LPP: variants seen among roughly 807,000 people sequenced by gnomAD.
LPP encodes LIM domain containing preferred translocation partner in lipoma, also known as lipoma-preferred partner.
Under a neutral mutation model 60.4 loss-of-function variants are expected in LPP, and 38 were observed. The observed-to-expected ratio is 0.63, with a 90% confidence interval of 0.49 to 0.83. LPP has a LOEUF of 0.83. Ranked by LOEUF, LPP falls within the 40% of genes least tolerant of loss-of-function variation. The probability of loss-of-function intolerance (pLI) is 0.00; values close to 1 mark genes in which losing one functional copy is unlikely to be tolerated. For synonymous variants in LPP, 328 were observed against 290.8 expected, an observed-to-expected ratio of 1.13 and a Z score of -1.30; for missense variants, 902 against 783.6, an observed-to-expected ratio of 1.15 and a Z score of -1.80.
rs1166999872 is a variant in LPP at position 188,884,889 on chromosome 3, A to T, written c.*10410A>T. On this transcript the variant is annotated 3_prime_UTR_variant, in exon 12 of 12. Coordinates refer to ENST00000617246, the MANE Select transcript of LPP (RefSeq NM_001375462.1). ...CTAACAATGTCTGAAAACAAATGTT[A>T]TGGAACTGTTGGCATTTCTGAGATT... The T allele has an allele frequency of 4.5e-6, 1 of 224,406 alleles. No individual in the cohort carries two copies. The highest frequency in any genetic ancestry group is 8.9e-6 in the Non-Finnish European group (1 of 112,586). 13.9% of individuals were successfully genotyped at this position (224,406 alleles called of 1,614,324 possible). A position where few individuals can be genotyped will look rare whatever the true frequency, so the allele number is the denominator to read the frequency against.
intron 8 of LPP, among the ~76,000 whole-genome samples, chr3:188,733,290 C>CGTGTGT (rs10576864): frequency 0.025 from 3,711 of 147,108 alleles, 47 homozygotes; most frequent in Middle Eastern, 0.045. Context: ...TCACCAAAAA[C>CGTGTGT]GTGTGTGTGT....
intron 6 of LPP, among the ~76,000 whole-genome samples, chr3:188,538,841 T>C (rs1241474010): frequency 6.6e-6 from 1 of 151,956 alleles, no homozygotes. Context: ...TGAATATTAC[T>C]CAGCCATAAA....
At chr3:188,492,997 C>T (rs1808851533) in intron 5 of LPP, among the ~76,000 whole-genome samples, 1 of 151,452 alleles carries the variant, frequency 6.6e-6, no homozygotes, top group South Asian at 2.1e-4. Flanking sequence ...TACCTGTTTG[C>T]TGTGCTATTT....
chr3:188,391,777 C>T (rs568352954), intron 3 of LPP, among the ~76,000 whole-genome samples: 9 of 151,678 alleles, frequency 5.9e-5, no homozygotes, highest in Admixed American at 4.6e-4. Context: ...GACACTGAGA[C>T]ATGAGTCCAG....
chr3:188,842,391 G>C (rs1488216432), intron 9 of LPP, among the ~76,000 whole-genome samples: 1 of 152,092 alleles, frequency 6.6e-6, no homozygotes, highest in African/African-American at 2.4e-5. Context: ...TTCCTATAGA[G>C]TTGTTTGAAC....
chr3:188,214,422 C>T (rs1712671676), intron 1 of LPP, among the ~76,000 whole-genome samples: 1 of 152,150 alleles, frequency 6.6e-6, no homozygotes, highest in African/African-American at 2.4e-5. Context: ...TGAGCTGCTG[C>T]ACCTGGCCTC....
At chr3:188,494,868 A>G (rs1025830410) in intron 5 of LPP, among the ~76,000 whole-genome samples, 4 of 151,564 alleles carry the variant, frequency 2.6e-5, no homozygotes. Context: ...GGTTTCAAAG[A>G]CATAATGCAC....
At chr3:188,687,157 G>A (rs977213066) in intron 7 of LPP, among the ~76,000 whole-genome samples, 1 of 152,178 alleles carries the variant, frequency 6.6e-6, no homozygotes, top group Non-Finnish European at 1.5e-5. Flanking sequence ...TCCAGGTAAT[G>A]GAGATCATCT....
At chr3:188,262,310 A>G in intron 2 of LPP, among the ~76,000 whole-genome samples, 1 of 152,064 alleles carries the variant, frequency 6.6e-6, no homozygotes, top group South Asian at 2.1e-4. Flanking sequence ...TAATAATAAA[A>G]TAGATATTGA....
At chr3:188,496,707 A>C (rs1351202130) in intron 5 of LPP, among the ~76,000 whole-genome samples, 1 of 152,220 alleles carries the variant, frequency 6.6e-6, no homozygotes, top group African/African-American at 2.4e-5. Flanking sequence ...ACAAAACAGC[A>C]GTTGTCACTT....
chr3:188,376,326 T>A (rs576862524), intron 3 of LPP, among the ~76,000 whole-genome samples: 228 of 151,966 alleles, frequency 1.5e-3, no homozygotes, highest in African/African-American at 5.1e-3. Flanking sequence ...CCCATTATTA[T>A]TGTGTGGGAG....
At chr3:188,370,923 A>AT (rs1364746589) in intron 3 of LPP, among the ~76,000 whole-genome samples, 2 of 151,372 alleles carry the variant, frequency 1.3e-5, no homozygotes, top group East Asian at 1.9e-4. Context: ...GTTTTATTTT[A>AT]TTTTTTCTGA....
At chr3:188,409,712 C>T (rs1004895307) in intron 4 of LPP, among the ~76,000 whole-genome samples, 1 of 152,154 alleles carries the variant, frequency 6.6e-6, no homozygotes, top group Non-Finnish European at 1.5e-5. Context: ...TTAGAGTGTA[C>T]TTGTCCCCCA....
At chr3:188,523,285 G>A (rs1819525453) in intron 5 of LPP, among the ~76,000 whole-genome samples, 1 of 152,112 alleles carries the variant, frequency 6.6e-6, no homozygotes, top group Non-Finnish European at 1.5e-5. Context: ...AAGGACCTGG[G>A]CCACAACTTC....
chr3:188,338,062 G>A (rs1441943329), intron 2 of LPP, among the ~76,000 whole-genome samples: 2 of 152,090 alleles, frequency 1.3e-5, no homozygotes, highest in Non-Finnish European at 2.9e-5. Flanking sequence ...TTACCTTTAG[G>A]CCAAAGCAAT....
At chr3:188,319,712 C>T (rs1012770864) in intron 2 of LPP, among the ~76,000 whole-genome samples, 1 of 152,238 alleles carries the variant, frequency 6.6e-6, no homozygotes. Context: ...CTTCACCCAG[C>T]TTTCCCTGAT....
chr3:188,395,563 A>T (rs545404125), intron 3 of LPP, among the ~76,000 whole-genome samples: 1 of 152,106 alleles, frequency 6.6e-6, no homozygotes, highest in Admixed American at 6.5e-5. Context: ...TTAAGATGAT[A>T]TGTAATTAGA....
chr3:188,181,757 T>G (rs1287132730), intron 1 of LPP, among the ~76,000 whole-genome samples: 1 of 152,248 alleles, frequency 6.6e-6, no homozygotes, highest in Non-Finnish European at 1.5e-5. Context: ...GGTCACTCTC[T>G]GTTGCTCAGG....
chr3:188,204,383 A>G lies in LPP; in HGVS notation c.-189-21022A>G, dbSNP rs533206912. Among the ~76,000 whole-genome samples, 7 of 152,268 alleles carry G rather than the reference A, an allele frequency of 4.6e-5. No homozygotes were observed. The South Asian group carries it at 1.4e-3, about 32-fold the overall frequency. Reference sequence around the variant, plus strand: ...AACTGGGAAAATCTCAATGAAATGCATCTTTAGGATGTGCCGGGAATCTTG... The same window carrying G: ...AACTGGGAAAATCTCAATGAAATGCGTCTTTAGGATGTGCCGGGAATCTTG... On this transcript the variant is annotated intron_variant, in intron 1 of 11. Transcript: ENST00000617246.
Sources: gnomAD v4.1 joint callset for allele counts (sites outside exome capture counted in the v4.1 genomes callset) on GRCh38, gnomAD v4.1.1 for gene constraint, MANE v1.5 for transcripts, NCBI Gene and HGNC (gene_info 2026-07-23, HGNC 2026-07-21) for gene names.